The following SAMD12 variants were observed in gnomAD, a reference collection of about 807,000 sequenced individuals.
SAMD12 encodes the protein sterile alpha motif domain-containing protein 12.
Under a neutral mutation model 15.0 loss-of-function variants are expected in SAMD12, and 9 were observed. That is an observed-to-expected ratio of 0.60 (90% CI 0.36 to 1.05). SAMD12 has a LOEUF of 1.05. Among genes scored for constraint, SAMD12 ranks in the 50% least tolerant of loss-of-function variants. The pLI is 0.01. For missense variants in SAMD12, 230 were observed against 234.2 expected (o/e 0.98, Z 0.12); for synonymous variants, 86 against 90.1 (o/e 0.96, Z 0.25).
chr8:118,263,517 T>C (rs1351575191), intron 4 of SAMD12, among the ~76,000 whole-genome samples: 1 of 152,076 alleles, frequency 6.6e-6, no homozygotes, highest in East Asian at 1.9e-4. Flanking sequence ...AAAAAATCTA[T>C]TAGTGAGTCA....
chr8:118,350,790 A>C (rs1231627108), intron 4 of SAMD12, among the ~76,000 whole-genome samples: 1 of 152,238 alleles, frequency 6.6e-6, no homozygotes, highest in African/African-American at 2.4e-5. Flanking sequence ...TCCAGGATTC[A>C]AGCTTCACAA....
At chr8:118,388,874 A>C (rs1259048821) in intron 3 of SAMD12, among the ~76,000 whole-genome samples, 3 of 152,196 alleles carry the variant, frequency 2.0e-5, no homozygotes, top group Non-Finnish European at 2.9e-5. Flanking sequence ...GAAAGAGTAA[A>C]GTAGGGTGAG....
chr8:118,256,230 G>C (rs991478681), intron 4 of SAMD12, among the ~76,000 whole-genome samples: 1 of 151,990 alleles, frequency 6.6e-6, no homozygotes, highest in Non-Finnish European at 1.5e-5. Context: ...GTGTATGGTG[G>C]ATAAATGGTA....
intron 4 of SAMD12, among the ~76,000 whole-genome samples, chr8:118,265,446 T>C (rs1213833333): frequency 6.6e-6 from 1 of 152,116 alleles, no homozygotes; most frequent in African/African-American, 2.4e-5. Context: ...ATTCTTTATG[T>C]ATTGCTTCAG....
intron 4 of SAMD12, among the ~76,000 whole-genome samples, chr8:118,287,915 C>T (rs1383267101): frequency 2.6e-5 from 4 of 152,130 alleles, no homozygotes; most frequent in Non-Finnish European, 1.5e-5. Context: ...AACCTGATGG[C>T]TGCCCCTAAG....
chr8:118,391,539 G>T (rs180876352), intron 3 of SAMD12, among the ~76,000 whole-genome samples: 1 of 152,122 alleles, frequency 6.6e-6, no homozygotes, highest in African/African-American at 2.4e-5. Context: ...AAACACATAA[G>T]GACAATGTTC....
rs530006020 is a variant in SAMD12 at position 118,271,264 on chromosome 8, C to T, written c.434-73532G>A. ...ACATGGTAGCAGGAGAGAGAAGTGCCGAGCAAAAGCCTCTTATAAAACCAT... is the reference window on the plus strand; with the variant it reads ...ACATGGTAGCAGGAGAGAGAAGTGCTGAGCAAAAGCCTCTTATAAAACCAT... On this transcript the variant is annotated intron_variant, in intron 4 of 4. Coordinates refer to the SAMD12 transcript ENST00000409003. 6.6e-5 allele frequency among the ~76,000 whole-genome samples: 10 copies of T among 152,096 alleles called. No individual in the cohort carries two copies. In the South Asian group the frequency reaches 1.5e-3, roughly 22 times the overall value.
At chr8:118,447,713 T>TATTTA in intron 2 of SAMD12, among the ~76,000 whole-genome samples, 1 of 139,260 alleles carries the variant, frequency 7.2e-6, no homozygotes, top group East Asian at 2.0e-4. Context: ...AATATTTATT[T>TATTTA]ATTTATTTAT....
intron 4 of SAMD12, among the ~76,000 whole-genome samples, chr8:118,327,308 C>T (rs1816613295): frequency 6.6e-6 from 1 of 152,178 alleles, no homozygotes; most frequent in South Asian, 2.1e-4. Context: ...CTCTGTAGCC[C>T]TTCATCACAG....
chr8:118,408,786 G>A (rs1821256108), intron 3 of SAMD12, among the ~76,000 whole-genome samples: 1 of 152,104 alleles, frequency 6.6e-6, no homozygotes. Flanking sequence ...TTTAATCCCA[G>A]GGTAGTTTTG....
At chr8:118,544,035 C>G (rs975107797) in intron 2 of SAMD12, among the ~76,000 whole-genome samples, 3 of 152,164 alleles carry the variant, frequency 2.0e-5, no homozygotes, top group African/African-American at 4.8e-5. Flanking sequence ...GGTGTCCTGT[C>G]TTTCACCATC....
At chr8:118,366,739 G>C (rs967405431) in intron 4 of SAMD12, among the ~76,000 whole-genome samples, 1 of 151,570 alleles carries the variant, frequency 6.6e-6, no homozygotes, top group Non-Finnish European at 1.5e-5. Flanking sequence ...TTGAAACTGG[G>C]AGGCGAAGGT....
chr8:118,218,339 T>G (rs754520709), intron 4 of SAMD12, among the ~76,000 whole-genome samples: 1 of 152,200 alleles, frequency 6.6e-6, no homozygotes, highest in Non-Finnish European at 1.5e-5. Context: ...GATGAGTAAA[T>G]CAAGCTAATT....
intron 2 of SAMD12, among the ~76,000 whole-genome samples, chr8:118,498,669 A>G (rs748391046): frequency 5.9e-5 from 9 of 152,234 alleles, no homozygotes; most frequent in Non-Finnish European, 1.2e-4. Context: ...TAGCACAGAA[A>G]ATATGAAAAT....
At chr8:118,185,323 T>G (rs17484590), downstream of SAMD12, among the ~76,000 whole-genome samples, 9,166 of 152,218 alleles carry the variant, frequency 0.06, 406 homozygotes, top group African/African-American at 0.11. Context: ...CTTGGATTCT[T>G]GTGCACCCAT....
intron 2 of SAMD12, among the ~76,000 whole-genome samples, chr8:118,454,822 T>TA (rs1444011235): frequency 6.6e-6 from 1 of 152,154 alleles, no homozygotes; most frequent in Admixed American, 6.5e-5. Flanking sequence ...CTCTGGCAAT[T>TA]ACCATTCTAC....
At chr8:118,208,509 G>T (rs1819930438) in intron 4 of SAMD12, among the ~76,000 whole-genome samples, 1 of 152,170 alleles carries the variant, frequency 6.6e-6, no homozygotes, top group African/African-American at 2.4e-5. Flanking sequence ...GGAGGAGTAA[G>T]TGCTACTGGC....
intron 2 of SAMD12, among the ~76,000 whole-genome samples, chr8:118,536,439 CACAA>C (rs746597401): frequency 0.063 from 3,659 of 58,234 alleles, 52 homozygotes; most frequent in African/African-American, 0.085. Context: ...TAGACTGATA[CACAA>C]ACACACACAC....
intron 1 of SAMD12, among the ~76,000 whole-genome samples, chr8:118,598,965 C>T (rs1414241733): frequency 6.6e-6 from 1 of 152,218 alleles, no homozygotes; most frequent in Non-Finnish European, 1.5e-5. Flanking sequence ...ACTGTGCGAT[C>T]TCTGTCTGAA....
Sources: gnomAD v4.1 joint callset for allele counts (sites outside exome capture counted in the v4.1 genomes callset) on GRCh38, gnomAD v4.1.1 for gene constraint, MANE v1.5 for transcripts, NCBI Gene and HGNC (gene_info 2026-07-23, HGNC 2026-07-21) for gene names.